RESF1: variants seen among roughly 807,000 people sequenced by gnomAD.
RESF1 encodes gonad expressed transcript.
In RESF1, 65 loss-of-function variants were observed where a neutral mutation model predicts 134.7. That is an observed-to-expected ratio of 0.48 (90% CI 0.40 to 0.59). RESF1 has a LOEUF of 0.59. Ranked by LOEUF, RESF1 falls within the 20% of genes least tolerant of loss-of-function variation. The pLI is 0.00. For missense variants in RESF1, 2,274 were observed against 2,002.7 expected, an observed-to-expected ratio of 1.14 and a Z score of -2.59; for synonymous variants, 762 against 702.2, an observed-to-expected ratio of 1.09 and a Z score of -1.35.
In RESF1 at chr12:31,976,710, A is replaced by G. The variant is rs552898805; in HGVS notation, c.-78-4168A>G. The stretch of plus-strand genomic sequence containing the variant: ...AAAAAAACCAAAATCATAAGAGAAT[A>G]TATTTACTATTCATTAAGTGGAAAT... On this transcript the variant is annotated intron_variant, in intron 3 of 5. Coordinates refer to ENST00000312561, the MANE Select transcript of RESF1 (RefSeq NM_018169.4). 2.0e-5 allele frequency among the ~76,000 whole-genome samples: 3 copies of G among 152,182 alleles called. No homozygotes were observed. In the East Asian group the frequency reaches 5.8e-4, roughly 29 times the overall value.
In RESF1 at chr12:31,982,186, G is replaced by T; in HGVS notation, c.1231G>T (p.Ala411Ser). 1 of 1,611,392 alleles carries T rather than the reference G, an allele frequency of 6.2e-7. No individual in the cohort carries two copies. The highest frequency in any genetic ancestry group is 8.5e-7 in the Non-Finnish European group (1 of 1,179,396). The change falls in exon 4 of 6, where the codon GCA (alanine) becomes TCA (serine). Residue 411 changes from alanine to serine, a missense_variant. Physicochemically the swap from Ala to Ser is moderately conservative, Grantham distance 99 (BLOSUM62 1). Transcript: ENST00000312561. ...GATAAAACAGAAGTTTTCAGAACTT[G>T]CAAGGAAAATTAAAATCAATAAAGA... ...VEIKQKFSEL[A>S]RKIKINKDLL...
In RESF1 at chr12:31,992,637, C is replaced by CA; in HGVS notation, c.*103dup. On this transcript the variant is annotated 3_prime_UTR_variant, in exon 6 of 6. Coordinates refer to ENST00000312561, the MANE Select transcript of RESF1 (RefSeq NM_018169.4). ...GAGAAATGCCATGATAAAGATTTCT[C>CA]AGAGTTTGGTTCCCACTTTCATTGT... The CA allele has an allele frequency of 8.1e-7, 1 of 1,229,116 alleles. No individual in the cohort carries two copies. 76.1% of individuals were successfully genotyped at this position (1,229,116 alleles called of 1,614,324 possible). A position where few individuals can be genotyped will look rare whatever the true frequency, so the allele number is the denominator to read the frequency against.
Position 31,983,088 on chromosome 12 carries a change from C to T in RESF1, c.2133C>T (p.Ile711=), listed in dbSNP as rs370094606. The change falls in exon 4 of 6, where the codon ATC becomes ATT. Residue 711 remains isoleucine (I), a synonymous_variant. Coordinates refer to ENST00000312561, the MANE Select transcript of RESF1 (RefSeq NM_018169.4). ...TAVGISKPAN[I]HVKSPCSVVG... ...TTGGAATTTCAAAGCCTGCTAACAT[C>T]CACGTTAAGAGTCCTTGTTCAGTTG... 2 of 1,613,414 alleles carry T rather than the reference C, an allele frequency of 1.2e-6. No homozygotes were observed. Among genetic ancestry groups the T allele is most frequent in the Non-Finnish European group, 8.5e-7 (1 of 1,179,870 alleles).
intron 2 of RESF1, among the ~76,000 whole-genome samples, chr12:31,963,517 G>A (rs1197658518): frequency 6.6e-6 from 1 of 152,168 alleles, no homozygotes; most frequent in African/African-American, 2.4e-5. Flanking sequence ...ATCTCCAGAT[G>A]CAAGCAGCTT....
chr12:31,985,182 CTCTT>C lies in RESF1; in HGVS notation c.4229_4232del (p.Ser1410CysfsTer21), dbSNP rs1939935690. ...TGGGAGCTACATTCAAATTAGGTGACTCTTTGTCAAACCCAAACGAAAGAGCCAT... is the reference window on the plus strand; with the variant it reads ...TGGGAGCTACATTCAAATTAGGTGACTGTCAAACCCAAACGAAAGAGCCAT... On this transcript the variant is annotated frameshift_variant, in exon 4 of 6. Transcript: ENST00000312561. LOFTEE classifies it high-confidence loss of function. 1 of 1,567,524 alleles carries C rather than the reference CTCTT, an allele frequency of 6.4e-7. No homozygotes were observed. Among genetic ancestry groups the C allele is most frequent in the Non-Finnish European group, 8.6e-7 (1 of 1,164,616 alleles).
intron 2 of RESF1, among the ~76,000 whole-genome samples, chr12:31,967,717 C>A (rs1939430648): frequency 7.0e-6 from 1 of 142,462 alleles, no homozygotes; most frequent in Non-Finnish European, 1.5e-5. Flanking sequence ...TGCTCATGAT[C>A]ACGTGGCTGA....
rs755759147 is a variant in RESF1 at position 31,984,216 on chromosome 12, T to C, written c.3261T>C (p.Asp1087=). The change falls in exon 4 of 6, where the codon GAT becomes GAC. Residue 1087 remains aspartate (D), a synonymous_variant. Transcript: ENST00000312561. ...GQQTTYQTSE[D]QTADKTSSDS... ...AAACTACATACCAGACCTCAGAAGA[T>C]CAAACTGCTGATAAAACCAGTTCTG... The C allele has an allele frequency of 1.7e-5, 28 of 1,613,872 alleles. No individual in the cohort carries two copies. In the Admixed American group the frequency reaches 3.2e-4, roughly 18 times the overall value.
chr12:31,968,304 TA>T (rs1472369838), intron 2 of RESF1, among the ~76,000 whole-genome samples: 1 of 152,212 alleles, frequency 6.6e-6, no homozygotes, highest in African/African-American at 2.4e-5. Flanking sequence ...TTTTAATGTA[TA>T]TTATTTATTT....
chr12:31,965,162 G>A (rs1325482096), intron 2 of RESF1, among the ~76,000 whole-genome samples: 1 of 152,072 alleles, frequency 6.6e-6, no homozygotes, highest in African/African-American at 2.4e-5. Flanking sequence ...TCACCATGTT[G>A]GCCAGGCTGG....
At position 31,982,233 on chromosome 12, in the gene RESF1, T is replaced by C. The variant is rs147349503; in HGVS notation, c.1278T>C (p.Cys426=). 1.2e-4 allele frequency: 200 copies of C among 1,613,358 alleles called. 3 individuals are homozygous for C. In the African/African-American group the frequency reaches 2.3e-3, roughly 18 times the overall value. ...INKDLLMAAG[C]IKMTNTSYSE... is the part of the protein sequence containing the mutation. The stretch of plus-strand genomic sequence containing the variant: ...AAGATCTTTTGATGGCAGCAGGTTG[T>C]ATTAAAATGACTAATACTTCTTATA... Residue 426 remains cysteine, a synonymous_variant, in exon 4 of 6, where the codon TGT becomes TGC. Transcript: ENST00000312561.
intron 1 of RESF1, among the ~76,000 whole-genome samples, 196 bp from the exon 2 acceptor site, chr12:31,960,581 C>T (rs1411127960): frequency 6.6e-6 from 1 of 152,148 alleles, no homozygotes; most frequent in East Asian, 1.9e-4. Flanking sequence ...CACATAAATT[C>T]TAACTTAAGT....
chr12:31,991,861 A>G (rs73298637), intron 5 of RESF1, among the ~76,000 whole-genome samples: 2,945 of 152,274 alleles, frequency 0.019, 90 homozygotes, highest in African/African-American at 0.068. Flanking sequence ...ACATATTTTC[A>G]ATAGGTGATG....
chr12:31,985,199 A>G lies in RESF1; in HGVS notation c.4244A>G (p.Asn1415Ser). The change falls in exon 4 of 6, where the codon AAC becomes AGC. Residue 1415 changes from asparagine to serine, a missense_variant. Asn to Ser is a conservative substitution (Grantham distance 46). Coordinates refer to ENST00000312561, the MANE Select transcript of RESF1 (RefSeq NM_018169.4). Reference sequence around the variant, plus strand: ...TTAGGTGACTCTTTGTCAAACCCAAACGAAAGAGCCATTGTTAAAGAAAAG... The same window carrying G: ...TTAGGTGACTCTTTGTCAAACCCAAGCGAAAGAGCCATTGTTAAAGAAAAG... ...FKLGDSLSNP[N>S]ERAIVKEKMV... The G allele has an allele frequency of 6.3e-7, 1 of 1,577,600 alleles. No individual in the cohort carries two copies. Among genetic ancestry groups the G allele is most frequent in the East Asian group, 2.2e-5 (1 of 44,680 alleles).
At chr12:31,976,104 A>C (rs147421476) in intron 3 of RESF1, among the ~76,000 whole-genome samples, 14 of 152,320 alleles carry the variant, frequency 9.2e-5, no homozygotes, top group African/African-American at 3.1e-4. Flanking sequence ...TTGAGAGTTG[A>C]AAAAATTCTA....
At position 31,984,348 on chromosome 12, in the gene RESF1, G is replaced by A. The variant is rs1292096286; in HGVS notation, c.3393G>A (p.Leu1131=). 6.2e-7 allele frequency: 1 copy of A among 1,613,942 alleles called. No homozygotes were observed. The highest frequency in any genetic ancestry group is 8.5e-7 in the Non-Finnish European group (1 of 1,180,004). The change falls in exon 4 of 6, where the codon TTG becomes TTA. Residue 1131 remains leucine, a synonymous_variant. Transcript: ENST00000312561. ...ATCAACCCTATGTAGTAGACAAGTTGGCAGAACCTCAGAAAGAAGAGCCCA... is the reference window on the plus strand; with the variant it reads ...ATCAACCCTATGTAGTAGACAAGTTAGCAGAACCTCAGAAAGAAGAGCCCA... ...QDDQPYVVDK[L]AEPQKEEPIT...
At chr12:31,986,255 C>T (rs1939969911) in intron 4 of RESF1, among the ~76,000 whole-genome samples, 1 of 152,140 alleles carries the variant, frequency 6.6e-6, no homozygotes, top group South Asian at 2.1e-4. Flanking sequence ...GAAAAACATT[C>T]CACATTCCTT....
At position 31,968,532 on chromosome 12, in the gene RESF1, T is replaced by C. The variant is rs576340161; in HGVS notation, c.-246-1657T>C. Among the ~76,000 whole-genome samples the C allele has an allele frequency of 8.3e-3, 1,257 of 151,260 alleles. 9 individuals carry two copies. Among genetic ancestry groups the C allele is most frequent in the Middle Eastern group, 0.017 (5 of 290 alleles). On this transcript the variant is annotated intron_variant, in intron 2 of 5. Coordinates refer to ENST00000312561, the MANE Select transcript of RESF1 (RefSeq NM_018169.4). ...GGCGCTATCCCGGCTCACTGCAAGCTCCGCCTCTTGGGTTCATGCCATTCT... is the reference window on the plus strand; with the variant it reads ...GGCGCTATCCCGGCTCACTGCAAGCCCCGCCTCTTGGGTTCATGCCATTCT...
Position 31,983,714 on chromosome 12 carries a change from T to C in RESF1, c.2759T>C (p.Met920Thr), listed in dbSNP as rs757026573. ...ATATTCAGCTCTCTTCCCTTGAAAA[T>C]GGTTGAGCCACAGAAACCTTCTCTA... Reference protein sequence around the residue: ...AKIFSSLPLKMVEPQKPSLPN... With the variant: ...AKIFSSLPLKTVEPQKPSLPN... Residue 920 changes from methionine to threonine, a missense_variant, in exon 4 of 6, where the codon ATG (methionine) becomes ACG (threonine). By Grantham distance (81) the Met-to-Thr change is moderately conservative. Transcript: ENST00000312561. 6.2e-6 allele frequency: 10 copies of C among 1,613,730 alleles called. No homozygotes were observed. The African/African-American group carries it at 1.3e-4, about 22-fold the overall frequency.
chr12:31,982,168 CAGA>C lies in RESF1; in HGVS notation c.1216_1218del (p.Lys406del). 6.2e-7 allele frequency: 1 copy of C among 1,611,484 alleles called. No homozygotes were observed. Among genetic ancestry groups the C allele is most frequent in the South Asian group, 1.1e-5 (1 of 90,296 alleles). On this transcript the variant is annotated inframe_deletion, in exon 4 of 6. Transcript: ENST00000312561. ...TATTAAAACATTAGTAGAGATAAAA[CAGA>C]AGTTTTCAGAACTTGCAAGGAAAAT...
Sources: gnomAD v4.1 joint callset for allele counts (sites outside exome capture counted in the v4.1 genomes callset) on GRCh38, gnomAD v4.1.1 for gene constraint, MANE v1.5 for transcripts, NCBI Gene and HGNC (gene_info 2026-07-23, HGNC 2026-07-21) for gene names.